Variants in ACTN2 observed in about 807,000 individuals in gnomAD.
ACTN2 encodes actinin alpha 2, also known as alpha-actinin-2.
ACTN2 carries 39 observed loss-of-function variants against 113.8 expected under a neutral mutation model. The ratio of observed to expected loss-of-function variants is 0.34; its 90% CI spans 0.27 to 0.45. The LOEUF (loss-of-function observed/expected upper bound fraction) is 0.45. Ranked by LOEUF, ACTN2 falls within the 20% of genes least tolerant of loss-of-function variation. The pLI is 1.00. For synonymous variants in ACTN2, 429 were observed against 444.1 expected (o/e 0.97, Z 0.43); for missense variants, 992 against 1,177.9 (o/e 0.84, Z 2.31).
Position 236,753,942 on chromosome 1 carries a change from G to C in ACTN2, c.1840-5G>C. 6.2e-7 allele frequency: 1 copy of C among 1,610,568 alleles called. No homozygotes were observed. Among genetic ancestry groups the C allele is most frequent in the Non-Finnish European group, 8.5e-7 (1 of 1,178,948 alleles). The stretch of plus-strand genomic sequence containing the variant: ...CTAACCCTTGTTGTCCTTGGGCCCT[G>C]ACAGGTGAAGCAACTCGTGCCCATC... On this transcript the variant is annotated splice_polypyrimidine_tract_variant and splice_region_variant and intron_variant, in intron 15 of 20. Coordinates refer to ENST00000366578, the MANE Select transcript of ACTN2 (RefSeq NM_001103.4).
chr1:236,724,806 T>C (rs1200563776), intron 4 of ACTN2, among the ~76,000 whole-genome samples: 1 of 151,936 alleles, frequency 6.6e-6, no homozygotes, highest in Non-Finnish European at 1.5e-5. Context: ...CGGCACATTT[T>C]TATGGTCATC....
At chr1:236,698,255 T>C (rs1657576663) in intron 1 of ACTN2, among the ~76,000 whole-genome samples, 1 of 151,760 alleles carries the variant, frequency 6.6e-6, no homozygotes, top group East Asian at 1.9e-4. Context: ...AGAATTAAAC[T>C]CCAAGATAGG....
At chr1:236,686,992 G>GT (rs1011253270) in intron 1 of ACTN2, among the ~76,000 whole-genome samples, 193 bp downstream of exon 1, 4 of 152,106 alleles carry the variant, frequency 2.6e-5, no homozygotes, top group Non-Finnish European at 5.9e-5. Context: ...GACACTGGGC[G>GT]TCGTGTGTGT....
At chr1:236,743,170 C>T (rs1659125727) in intron 11 of ACTN2, 127 bp downstream of exon 11, 2 of 1,186,350 alleles carry the variant, frequency 1.7e-6, no homozygotes, top group Admixed American at 1.9e-5. Flanking sequence ...CGTCACCTTT[C>T]TCTGCTCTTG....
At chr1:236,734,510 G>A in intron 7 of ACTN2, 1 of 1,533,842 alleles carries the variant, frequency 6.5e-7, no homozygotes, top group Non-Finnish European at 8.7e-7. Flanking sequence ...TTTTGCTGGT[G>A]CACAGAAGGT....
chr1:236,696,445 G>A (rs180872228), intron 1 of ACTN2, among the ~76,000 whole-genome samples: 1 of 152,208 alleles, frequency 6.6e-6, no homozygotes, highest in Non-Finnish European at 1.5e-5. Flanking sequence ...ATCTTCTAAA[G>A]TCATGTGGAG....
intron 1 of ACTN2, among the ~76,000 whole-genome samples, chr1:236,711,100 A>G (rs1658012316): frequency 6.6e-6 from 1 of 152,230 alleles, no homozygotes. Context: ...TTCCATCTGC[A>G]TCCAGGGAAG....
intron 9 of ACTN2, among the ~76,000 whole-genome samples, chr1:236,738,489 G>T (rs943295193): frequency 6.6e-6 from 1 of 152,238 alleles, no homozygotes; most frequent in Non-Finnish European, 1.5e-5. Flanking sequence ...TGCCAGACAT[G>T]AAGCATGGCC....
At chr1:236,735,804 C>G in intron 8 of ACTN2, 84 bp downstream of exon 8, 1 of 1,149,308 alleles carries the variant, frequency 8.7e-7, no homozygotes, top group African/African-American at 1.5e-5. Flanking sequence ...TGTGTTTGTG[C>G]GCTTCACATC....
At chr1:236,726,532 G>A (rs1322090353) in intron 5 of ACTN2, among the ~76,000 whole-genome samples, 1 of 152,306 alleles carries the variant, frequency 6.6e-6, no homozygotes, top group East Asian at 1.9e-4. Flanking sequence ...CGACATCAGG[G>A]GAGAGCATGA....
chr1:236,747,604 C>G, intron 12 of ACTN2, 63 bp from the exon 13 acceptor site: 1 of 1,423,702 alleles, frequency 7.0e-7, no homozygotes, highest in South Asian at 1.2e-5. Context: ...TCTTTTTTAG[C>G]CCATGTTCAT....
At chr1:236,748,985 C>T (rs1659313539) in intron 13 of ACTN2, 139 bp from the exon 14 acceptor site, 3 of 983,782 alleles carry the variant, frequency 3.0e-6, no homozygotes, top group African/African-American at 1.6e-5. Flanking sequence ...GTTTGAGCAT[C>T]GGGTAATCTT....
At chr1:236,737,317 A>ATATATATATATATATATATATATATT (rs1260600266) in intron 9 of ACTN2, 103 bp downstream of exon 9, 2 of 288,926 alleles carry the variant, frequency 6.9e-6, no homozygotes, top group East Asian at 6.2e-5. Flanking sequence ...ATATATATAT[A>ATATATATATATATATATATATATATT]TTTTGCATTT....
chr1:236,736,578 A>G (rs963438528), intron 8 of ACTN2: 25 of 1,517,652 alleles, frequency 1.6e-5, no homozygotes, highest in South Asian at 1.6e-4. Context: ...GTCTTAAAGC[A>G]CACTCAGCTC....
Position 236,686,588 on chromosome 1 carries a change from C to T in ACTN2, c.-86C>T, listed in dbSNP as rs989770685. 4 of 1,392,832 alleles carry T rather than the reference C, an allele frequency of 2.9e-6. No homozygotes were observed. In the African/African-American group the frequency reaches 4.6e-5, roughly 16 times the overall value. The allele number at this position is 1,392,832 out of a possible 1,614,324, so 86.3% of individuals were successfully genotyped here. Reference sequence around the variant, plus strand: ...GTCACCCCGCGCCCGCCGCCCGCCGCCCGCCGCCTCCGTGGGTCCGTTTGC... The same window carrying T: ...GTCACCCCGCGCCCGCCGCCCGCCGTCCGCCGCCTCCGTGGGTCCGTTTGC... On this transcript the variant is annotated 5_prime_UTR_variant, in exon 1 of 21. Coordinates refer to ENST00000366578, the MANE Select transcript of ACTN2 (RefSeq NM_001103.4).
chr1:236,736,055 G>A (rs2102917565), intron 8 of ACTN2, among the ~76,000 whole-genome samples: 1 of 152,356 alleles, frequency 6.6e-6, no homozygotes, highest in East Asian at 1.9e-4. Context: ...GTGGCAAGGA[G>A]AAATGAATGC....
intron 8 of ACTN2, among the ~76,000 whole-genome samples, chr1:236,736,205 T>C (rs1470074857): frequency 6.6e-6 from 1 of 152,248 alleles, no homozygotes; most frequent in Non-Finnish European, 1.5e-5. Flanking sequence ...AAATTTCACA[T>C]TTCTCAAGAC....
chr1:236,755,000 G>A lies in ACTN2; in HGVS notation c.1975-19G>A. On this transcript the variant is annotated intron_variant, in intron 16 of 20. Coordinates refer to ENST00000366578, the MANE Select transcript of ACTN2 (RefSeq NM_001103.4). The surrounding 1 kb of genome is among the most constrained non-coding windows in gnomAD (Gnocchi z 4.9). ...CTTCACTCTGCTTCTCTCTCTGCTT[G>A]CTCACTCGCCCCCCTCAGGAGATTG... The A allele has an allele frequency of 6.2e-7, 1 of 1,614,114 alleles. No homozygotes were observed. The highest frequency in any genetic ancestry group is 1.3e-5 in the African/African-American group (1 of 75,040).
chr1:236,733,753 T>A (rs536589307), intron 7 of ACTN2, among the ~76,000 whole-genome samples: 1 of 152,332 alleles, frequency 6.6e-6, no homozygotes, highest in East Asian at 1.9e-4. Context: ...GGTCCAGGTC[T>A]CCTCAGATCA....
Sources: gnomAD v4.1 joint callset for allele counts (sites outside exome capture counted in the v4.1 genomes callset) on GRCh38, gnomAD v4.1.1 for gene constraint, Gnocchi (gnomAD v3.1) non-coding constraint, MANE v1.5 for transcripts, NCBI Gene and HGNC (gene_info 2026-07-23, HGNC 2026-07-21) for gene names.